APBA2: variants seen among roughly 807,000 people sequenced by gnomAD.
The protein encoded by APBA2 is amyloid beta precursor protein binding family A member 2.
In APBA2, 30 loss-of-function variants were observed where a neutral mutation model predicts 75.0. The observed-to-expected ratio is 0.40, with a 90% CI of 0.30 to 0.54. The LOEUF (loss-of-function observed/expected upper bound fraction) is 0.54. Ranked by LOEUF, APBA2 falls within the 20% of genes least tolerant of loss-of-function variation. APBA2 has a pLI of 0.49. For missense variants in APBA2, 801 were observed against 1,016.1 expected (o/e 0.79, Z 2.88); for synonymous variants, 444 against 409.6 (o/e 1.08, Z -1.01).
At chr15:29,110,758 G>C (rs903820851) in intron 13 of APBA2, among the ~76,000 whole-genome samples, 16 of 152,186 alleles carry the variant, frequency 1.1e-4, no homozygotes, top group Non-Finnish European at 1.8e-4. Flanking sequence ...GTTTTGTGGG[G>C]GCTAACATGA....
chr15:29,102,518 G>A (rs1050753880), intron 10 of APBA2: 1 of 153,166 alleles, frequency 6.5e-6, no homozygotes, highest in Non-Finnish European at 1.5e-5. Context: ...ACTTTTGGGA[G>A]GCTGAGGTGC....
chr15:29,117,197 G>A lies in APBA2; in HGVS notation c.*64G>A, dbSNP rs182802540. ...GGGCCGCCCGGGCCCAGAGGAGCTGGGAGCCGGGCCGCAGACTTGACCCCG... is the reference window on the plus strand; with the variant it reads ...GGGCCGCCCGGGCCCAGAGGAGCTGAGAGCCGGGCCGCAGACTTGACCCCG... On this transcript the variant is annotated 3_prime_UTR_variant, in exon 15 of 15. Coordinates refer to ENST00000683413, the MANE Select transcript of APBA2 (RefSeq NM_001353788.2). 864 of 1,530,882 alleles carry A rather than the reference G, an allele frequency of 5.6e-4. 3 individuals are homozygous for A. In the African/African-American group the frequency reaches 0.011, roughly 19 times the overall value. 94.8% of individuals were successfully genotyped at this position (1,530,882 alleles called of 1,614,324 possible). A position where few individuals can be genotyped will look rare whatever the true frequency, so the allele number is the denominator to read the frequency against.
In APBA2 at chr15:29,105,400, A is replaced by G. The variant is rs2044344338; in HGVS notation, c.1546A>G (p.Ile516Val). Residue 516 changes from isoleucine to valine, a missense_variant, in exon 11 of 15, where the codon ATC (isoleucine) becomes GTC (valine). Around this residue, in one of 2 missense-constraint regions of APBA2, gnomAD observed 367 missense variants for 544.5 expected, o/e 0.67. Coordinates refer to ENST00000683413, the MANE Select transcript of APBA2 (RefSeq NM_001353788.2). Reference sequence around the variant, plus strand: ...ACAGGCCCAGCTCATCGCCCAGTCTATCGGCCAGGCCTTCAGCGTGGCCTA... The same window carrying G: ...ACAGGCCCAGCTCATCGCCCAGTCTGTCGGCCAGGCCTTCAGCGTGGCCTA... ...SEDAQLIAQSIGQAFSVAYQE... is the reference protein window; with the variant it reads ...SEDAQLIAQSVGQAFSVAYQE... 6.2e-7 allele frequency: 1 copy of G among 1,612,382 alleles called. No individual in the cohort carries two copies. Among genetic ancestry groups the G allele is most frequent in the African/African-American group, 1.3e-5 (1 of 75,068 alleles).
intron 6 of APBA2, among the ~76,000 whole-genome samples, chr15:29,083,183 A>T (rs1298502693): frequency 6.6e-6 from 1 of 152,196 alleles, no homozygotes; most frequent in Non-Finnish European, 1.5e-5. Flanking sequence ...TTTATACAGG[A>T]AAAGTTACAT....
At chr15:29,023,156 C>T (rs972708530) in intron 3 of APBA2, among the ~76,000 whole-genome samples, 1 of 152,156 alleles carries the variant, frequency 6.6e-6, no homozygotes, top group African/African-American at 2.4e-5. Flanking sequence ...TTCCCCTCTT[C>T]CTTCTCAAAC....
At chr15:28,936,276 A>G (rs554226098) in intron 2 of APBA2, among the ~76,000 whole-genome samples, 38 of 152,328 alleles carry the variant, frequency 2.5e-4, no homozygotes, top group African/African-American at 8.4e-4. Flanking sequence ...GCCATGGTCC[A>G]TTCAGTCCCC....
Position 28,999,290 on chromosome 15 carries a change from A to C in APBA2, c.-41+3484A>C, listed in dbSNP as rs1413825715. Among the ~76,000 whole-genome samples, 5 of 152,234 alleles carry C rather than the reference A, an allele frequency of 3.3e-5. No individual in the cohort carries two copies. The South Asian group carries it at 8.3e-4, about 25-fold the overall frequency. ...GATTAATCAAACATCAGTATTAGCAACTTCTTTAAGAGAACTACAGGCTGG... is the reference window on the plus strand; with the variant it reads ...GATTAATCAAACATCAGTATTAGCACCTTCTTTAAGAGAACTACAGGCTGG... On this transcript the variant is annotated intron_variant, in intron 3 of 14. Coordinates refer to ENST00000683413, the MANE Select transcript of APBA2 (RefSeq NM_001353788.2).
chr15:28,933,872 G>A (rs1324618442), intron 2 of APBA2, among the ~76,000 whole-genome samples: 5 of 152,216 alleles, frequency 3.3e-5, no homozygotes, highest in Non-Finnish European at 7.3e-5. Flanking sequence ...GCGCAAGGAG[G>A]GGCTGCCCAC....
chr15:28,933,198 G>A (rs2034654906), intron 2 of APBA2, among the ~76,000 whole-genome samples: 1 of 152,106 alleles, frequency 6.6e-6, no homozygotes, highest in South Asian at 2.1e-4. Context: ...TTGTTGCATC[G>A]GGGATTAGGT....
Position 29,103,358 on chromosome 15 carries a change from G to A in APBA2, c.1524+1574G>A, listed in dbSNP as rs77889602. ...TGCAGGCTCTGCCCACAGCCCACTT[G>A]CAGGAGGCCGCTTGAGCCCTGAGGT... is the stretch of plus-strand genomic sequence containing the variant. On this transcript the variant is annotated intron_variant, in intron 10 of 14. Coordinates refer to ENST00000683413, the MANE Select transcript of APBA2 (RefSeq NM_001353788.2). Among the ~76,000 whole-genome samples the A allele has an allele frequency of 2.4e-3, 363 of 152,360 alleles. 5 individuals carry two copies. In the East Asian group the frequency reaches 0.058, roughly 24 times the overall value.
chr15:29,034,913 G>A (rs1428464157), intron 3 of APBA2, among the ~76,000 whole-genome samples: 1 of 152,210 alleles, frequency 6.6e-6, no homozygotes, highest in Non-Finnish European at 1.5e-5. Context: ...TGTGGTGGGT[G>A]TTTGAACTTT....
intron 2 of APBA2, among the ~76,000 whole-genome samples, chr15:28,993,698 G>A (rs2038357605): frequency 6.6e-6 from 1 of 152,212 alleles, no homozygotes; most frequent in African/African-American, 2.4e-5. Flanking sequence ...TGTGAAGCCT[G>A]TGGGGCTTCT....
chr15:28,968,090 G>T (rs145203446), intron 2 of APBA2, among the ~76,000 whole-genome samples: 1 of 152,180 alleles, frequency 6.6e-6, no homozygotes, highest in Admixed American at 6.5e-5. Flanking sequence ...TAGTGTTCTC[G>T]CAACGTTGTA....
chr15:29,104,536 T>C (rs557704222), intron 10 of APBA2, among the ~76,000 whole-genome samples: 40 of 152,352 alleles, frequency 2.6e-4, no homozygotes, highest in African/African-American at 9.1e-4. Flanking sequence ...TGATGTCCAC[T>C]GAAGCAGCTC....
At chr15:28,938,531 C>G (rs932913131) in intron 2 of APBA2, among the ~76,000 whole-genome samples, 1 of 152,114 alleles carries the variant, frequency 6.6e-6, no homozygotes, top group Non-Finnish European at 1.5e-5. Flanking sequence ...GACAGCGTGA[C>G]AGAGTTTTGC....
intron 11 of APBA2, 152 bp from the exon 12 acceptor site, chr15:29,106,455 C>A (rs1404158629): frequency 1.1e-6 from 1 of 887,002 alleles, no homozygotes; most frequent in Non-Finnish European, 1.8e-6. Context: ...GGCTCCCAGC[C>A]CAAGACCTCT....
intron 1 of APBA2, among the ~76,000 whole-genome samples, chr15:28,911,474 A>T (rs1595440523): frequency 6.6e-6 from 1 of 152,266 alleles, no homozygotes; most frequent in Non-Finnish European, 1.5e-5. Flanking sequence ...TGGAGATAAG[A>T]TGCTCAGACC....
chr15:29,078,236 A>G (rs1465957783), intron 6 of APBA2, among the ~76,000 whole-genome samples: 7 of 147,246 alleles, frequency 4.8e-5, no homozygotes, highest in African/African-American at 1.8e-4. Context: ...GGAGATTGCA[A>G]TGAGCCAAGA....
At chr15:28,979,039 G>A (rs1261806029) in intron 2 of APBA2, among the ~76,000 whole-genome samples, 2 of 152,186 alleles carry the variant, frequency 1.3e-5, no homozygotes, top group Non-Finnish European at 2.9e-5. Context: ...TGCAGCAATA[G>A]CTGTGACCTG....
Sources: gnomAD v4.1 joint callset for allele counts (sites outside exome capture counted in the v4.1 genomes callset) on GRCh38, gnomAD v4.1.1 for gene constraint, gnomAD v4.1.1 regional missense constraint, MANE v1.5 for transcripts, NCBI Gene and HGNC (gene_info 2026-07-23, HGNC 2026-07-21) for gene names.